SNTG1: variants seen among roughly 807,000 people sequenced by gnomAD.
The protein encoded by SNTG1 is gamma-1-syntrophin.
SNTG1 carries 39 observed loss-of-function variants against 74.7 expected under a neutral mutation model. That is an observed-to-expected ratio of 0.52 (90% confidence interval 0.40 to 0.68). The LOEUF is 0.68. Among genes scored for constraint, SNTG1 ranks in the 30% least tolerant of loss-of-function variants. The pLI is 0.00. For synonymous variants in SNTG1, 254 were observed against 217.1 expected (o/e 1.17, Z -1.49); for missense variants, 685 against 609.5 (o/e 1.12, Z -1.30).
rs1479537278 is a variant in SNTG1 at position 50,217,966 on chromosome 8, T to C, written c.-28+45331T>C. Among the ~76,000 whole-genome samples, 4 of 152,176 alleles carry C rather than the reference T, an allele frequency of 2.6e-5. No individual in the cohort carries two copies. In the East Asian group the frequency reaches 7.7e-4, roughly 29 times the overall value. The stretch of plus-strand genomic sequence containing the variant: ...ATTCCTGGTTCTTAATGTTGTTAAG[T>C]TCTGCTCTGTGAATAAAATCAAATA... On this transcript the variant is annotated intron_variant, in intron 2 of 18. Transcript: ENST00000642720.
intron 1 of SNTG1, among the ~76,000 whole-genome samples, chr8:50,132,858 A>T (rs1415897462): frequency 6.6e-6 from 1 of 152,198 alleles, no homozygotes. Flanking sequence ...CCCACAGATC[A>T]TTCCTGGATA....
At chr8:50,338,359 C>A (rs1345187033) in intron 2 of SNTG1, among the ~76,000 whole-genome samples, 2 of 152,138 alleles carry the variant, frequency 1.3e-5, no homozygotes, top group South Asian at 4.1e-4. Flanking sequence ...ACCAGGGCAT[C>A]ATGTCTGGCT....
At chr8:50,081,514 T>A (rs578073328) in intron 1 of SNTG1, among the ~76,000 whole-genome samples, 5 of 152,206 alleles carry the variant, frequency 3.3e-5, no homozygotes, top group Non-Finnish European at 7.3e-5. Context: ...TTCTGTCCCT[T>A]TCACTTTCTC....
chr8:49,913,127 C>A (rs1229101213), intron 1 of SNTG1, among the ~76,000 whole-genome samples: 1 of 152,200 alleles, frequency 6.6e-6, no homozygotes, highest in African/African-American at 2.4e-5. Flanking sequence ...AAAGCAGTTA[C>A]ACAAATTTGT....
intron 13 of SNTG1, among the ~76,000 whole-genome samples, chr8:50,649,691 A>G (rs1355846706): frequency 1.3e-5 from 2 of 152,188 alleles, no homozygotes; most frequent in South Asian, 4.1e-4. Flanking sequence ...CTCTAAGTTG[A>G]ATAAGCCAAA....
At chr8:50,265,535 C>A (rs1171058298) in intron 2 of SNTG1, among the ~76,000 whole-genome samples, 5 of 151,752 alleles carry the variant, frequency 3.3e-5, no homozygotes, top group Non-Finnish European at 7.4e-5. Flanking sequence ...AATGAAAAAC[C>A]AAAGCATTTC....
At chr8:50,478,633 A>G (rs2093715342) in intron 8 of SNTG1, among the ~76,000 whole-genome samples, 1 of 152,126 alleles carries the variant, frequency 6.6e-6, no homozygotes, top group Admixed American at 6.6e-5. Context: ...TCTTTCTGTG[A>G]GTAAAGTAGT....
At chr8:50,709,016 A>G in intron 17 of SNTG1, 38 bp downstream of exon 17, 1 of 1,423,276 alleles carries the variant, frequency 7.0e-7, no homozygotes, top group Non-Finnish European at 9.9e-7. Context: ...ATATGCTGCA[A>G]ACATTCTAAT....
chr8:49,972,548 G>A (rs541756978), intron 1 of SNTG1, among the ~76,000 whole-genome samples: 1 of 152,120 alleles, frequency 6.6e-6, no homozygotes, highest in South Asian at 2.1e-4. Flanking sequence ...CTTCTGCACA[G>A]CAAAAGAAAC....
At chr8:49,968,033 C>A (rs1214578629) in intron 1 of SNTG1, among the ~76,000 whole-genome samples, 1 of 152,150 alleles carries the variant, frequency 6.6e-6, no homozygotes, top group Non-Finnish European at 1.5e-5. Flanking sequence ...TATTCATCTT[C>A]CAAGTCCAGT....
chr8:50,707,085 C>T (rs1348545206), intron 16 of SNTG1, among the ~76,000 whole-genome samples: 1 of 151,752 alleles, frequency 6.6e-6, no homozygotes, highest in South Asian at 2.1e-4. Flanking sequence ...AATGATAGAA[C>T]TTGAGTCTGT....
intron 1 of SNTG1, among the ~76,000 whole-genome samples, chr8:49,966,895 G>A (rs1000786089): frequency 9.2e-5 from 14 of 151,878 alleles, no homozygotes; most frequent in Admixed American, 5.9e-4. Context: ...ATAATTGTTC[G>A]ATGGTTATAT....
At chr8:50,479,169 C>T (rs1032536959) in intron 8 of SNTG1, among the ~76,000 whole-genome samples, 2 of 152,100 alleles carry the variant, frequency 1.3e-5, no homozygotes, top group Admixed American at 1.3e-4. Context: ...CAAATTTTAA[C>T]AAGTACATGC....
At chr8:50,159,769 C>A (rs751223506) in intron 1 of SNTG1, among the ~76,000 whole-genome samples, 1 of 152,168 alleles carries the variant, frequency 6.6e-6, no homozygotes, top group African/African-American at 2.4e-5. Context: ...GGAGTGTTCA[C>A]AGGCATCCTC....
At chr8:50,762,123 C>T (rs1417308146) in intron 18 of SNTG1, among the ~76,000 whole-genome samples, 2 of 151,834 alleles carry the variant, frequency 1.3e-5, no homozygotes, top group East Asian at 1.9e-4. Flanking sequence ...AGAAATTTCC[C>T]CCGTATTTAA....
chr8:49,919,841 T>G (rs1309484787), intron 1 of SNTG1, among the ~76,000 whole-genome samples: 3 of 152,086 alleles, frequency 2.0e-5, no homozygotes, highest in Non-Finnish European at 4.4e-5. Context: ...TTTGTTTTCC[T>G]GGTCTGGTTT....
chr8:50,030,893 T>G (rs1585971464), intron 1 of SNTG1, among the ~76,000 whole-genome samples: 2 of 152,094 alleles, frequency 1.3e-5, no homozygotes, highest in Middle Eastern at 6.8e-3. Flanking sequence ...AGGATTTTGG[T>G]AAGAATTATG....
intron 17 of SNTG1, among the ~76,000 whole-genome samples, chr8:50,727,301 G>A (rs542880073): frequency 1.3e-5 from 2 of 152,254 alleles, no homozygotes; most frequent in South Asian, 2.1e-4. Context: ...GAGTGGTTGA[G>A]GGGAAGATGA....
intron 1 of SNTG1, among the ~76,000 whole-genome samples, chr8:50,169,430 A>G (rs2082732570): frequency 6.6e-6 from 1 of 152,218 alleles, no homozygotes; most frequent in Non-Finnish European, 1.5e-5. Flanking sequence ...TCTTCCTCCC[A>G]CTTAAATGCA....
Sources: allele counts gnomAD v4.1 joint callset (sites outside exome capture counted in the v4.1 genomes callset), GRCh38; gene constraint gnomAD v4.1.1; transcripts MANE v1.5; gene names NCBI Gene and HGNC (gene_info 2026-07-23, HGNC 2026-07-21).